Variants in IQCB1 observed in about 807,000 individuals in gnomAD.
The protein encoded by IQCB1 is IQ motif containing B1.
Under a neutral mutation model 84.4 loss-of-function variants are expected in IQCB1, and 56 were observed. The observed-to-expected ratio is 0.66, with a 90% confidence interval of 0.54 to 0.83. The LOEUF (loss-of-function observed/expected upper bound fraction) is 0.83. Ranked by LOEUF, IQCB1 falls within the 40% of genes least tolerant of loss-of-function variation. The probability of loss-of-function intolerance (pLI) is 0.00; values close to 1 mark genes in which losing one functional copy is unlikely to be tolerated. For synonymous variants in IQCB1, 210 were observed against 234.8 expected (o/e 0.89, Z 0.96); for missense variants, 629 against 682.1 (o/e 0.92, Z 0.87).
chr3:121,788,235 C>T (rs1948813930), intron 12 of IQCB1, 49 bp downstream of exon 12: 2 of 1,579,192 alleles, frequency 1.3e-6, no homozygotes. Context: ...GTTTTGAACT[C>T]ATGTTTTTGC....
At chr3:121,778,436 C>T (rs1382873764) in intron 13 of IQCB1, among the ~76,000 whole-genome samples, 3 of 152,012 alleles carry the variant, frequency 2.0e-5, no homozygotes, top group Admixed American at 6.5e-5. Flanking sequence ...AACATTTCTG[C>T]AATGTTAAAT....
At chr3:121,834,893 G>T in intron 1 of IQCB1, 73 bp downstream of exon 1, 1 of 306,724 alleles carries the variant, frequency 3.3e-6, no homozygotes, top group Non-Finnish European at 6.3e-6. Flanking sequence ...TCGTCCAGGA[G>T]CCTGGGGTCC....
chr3:121,818,471 AAAG>A (rs1158014777), intron 5 of IQCB1, among the ~76,000 whole-genome samples: 2 of 152,246 alleles, frequency 1.3e-5, no homozygotes, highest in Non-Finnish European at 2.9e-5. Context: ...AGGGATGCCA[AAAG>A]AAGAGAGAAG....
At chr3:121,815,507 C>T (rs530376832) in intron 5 of IQCB1, among the ~76,000 whole-genome samples, 1 of 152,160 alleles carries the variant, frequency 6.6e-6, no homozygotes, top group African/African-American at 2.4e-5. Flanking sequence ...TTTAGAAAAC[C>T]CCATCGTCTC....
intron 7 of IQCB1, among the ~76,000 whole-genome samples, chr3:121,803,205 C>T (rs1949476926): frequency 6.6e-6 from 1 of 152,112 alleles, no homozygotes; most frequent in African/African-American, 2.4e-5. Context: ...GAGGCACCTG[C>T]CACCATGCCC....
At chr3:121,800,628 C>T (rs1197222758) in intron 7 of IQCB1, among the ~76,000 whole-genome samples, 1 of 151,910 alleles carries the variant, frequency 6.6e-6, no homozygotes, top group African/African-American at 2.4e-5. Context: ...ATATGCTCAT[C>T]TCAGAAAGCC....
intron 7 of IQCB1, among the ~76,000 whole-genome samples, chr3:121,806,445 C>G (rs1382927350): frequency 6.6e-6 from 1 of 152,144 alleles, no homozygotes; most frequent in African/African-American, 2.4e-5. Context: ...CTTTGAGTCT[C>G]AGCCGAGCTT....
intron 12 of IQCB1, among the ~76,000 whole-genome samples, chr3:121,783,299 GA>G (rs1486254880): frequency 2.0e-5 from 3 of 151,512 alleles, no homozygotes; most frequent in Admixed American, 6.6e-5. Context: ...ATTTTTCTGT[GA>G]TTTTTTTTTC....
intron 7 of IQCB1, among the ~76,000 whole-genome samples, chr3:121,805,675 T>C (rs1177189956): frequency 1.3e-5 from 2 of 152,156 alleles, no homozygotes; most frequent in Non-Finnish European, 2.9e-5. Flanking sequence ...GGCTTTCCAG[T>C]TTGGCTGTTG....
intron 2 of IQCB1, among the ~76,000 whole-genome samples, chr3:121,829,905 C>T (rs367888876): frequency 2.3e-4 from 35 of 152,232 alleles, no homozygotes; most frequent in African/African-American, 8.4e-4. Context: ...AAGATTGCTT[C>T]TAAATAGTAT....
intron 13 of IQCB1, among the ~76,000 whole-genome samples, chr3:121,777,056 A>C (rs1200707267): frequency 6.6e-6 from 1 of 152,232 alleles, no homozygotes; most frequent in Non-Finnish European, 1.5e-5. Flanking sequence ...GTATTCAAGA[A>C]AGGTCACAAT....
intron 5 of IQCB1, among the ~76,000 whole-genome samples, chr3:121,823,041 T>C (rs9827690): frequency 6.6e-6 from 1 of 152,076 alleles, no homozygotes; most frequent in South Asian, 2.1e-4. Context: ...ATAAATATGG[T>C]AAACAATCAA....
chr3:121,801,927 T>C (rs1949424276), intron 7 of IQCB1, among the ~76,000 whole-genome samples: 1 of 150,684 alleles, frequency 6.6e-6, no homozygotes, highest in South Asian at 2.1e-4. Context: ...CTTGTTAACA[T>C]AAGTTACAAT....
rs747623180 is a variant in IQCB1, at chr3:121,790,056, T to A, written c.1129+17A>T. The A allele has an allele frequency of 1.1e-5, 18 of 1,606,640 alleles. No homozygotes were observed. Among genetic ancestry groups the A allele is most frequent in the Non-Finnish European group, 1.4e-5 (17 of 1,173,238 alleles). ...CCTAAATATTCTTATATTGATAAAG[T>A]TGATACTGCCACTCACCTGGATGAA... On this transcript the variant is annotated intron_variant, in intron 11 of 14. Coordinates refer to ENST00000310864, the MANE Select transcript of IQCB1 (RefSeq NM_001023570.4).
At chr3:121,781,032 T>C (rs1283430986) in intron 13 of IQCB1, among the ~76,000 whole-genome samples, 1 of 152,150 alleles carries the variant, frequency 6.6e-6, no homozygotes, top group African/African-American at 2.4e-5. Context: ...GCTAACTTTC[T>C]CCATAAAATT....
At chr3:121,782,410 A>C (rs1948538912) in intron 12 of IQCB1, among the ~76,000 whole-genome samples, 1 of 152,162 alleles carries the variant, frequency 6.6e-6, no homozygotes, top group African/African-American at 2.4e-5. Context: ...CGTAGTTTTT[A>C]TTTTCATCAA....
chr3:121,829,616 G>C (rs990583167), intron 2 of IQCB1, among the ~76,000 whole-genome samples: 1 of 152,196 alleles, frequency 6.6e-6, no homozygotes, highest in Non-Finnish European at 1.5e-5. Context: ...GTGTCTAGTT[G>C]AGCTTCCTTG....
intron 5 of IQCB1, among the ~76,000 whole-genome samples, chr3:121,819,447 C>T (rs1052144227): frequency 1.3e-5 from 2 of 152,138 alleles, no homozygotes; most frequent in African/African-American, 4.8e-5. Flanking sequence ...CTCACTTGCC[C>T]GTCACTTACT....
intron 5 of IQCB1, among the ~76,000 whole-genome samples, chr3:121,811,529 G>A (rs185027443): frequency 1.1e-4 from 17 of 152,192 alleles, no homozygotes; most frequent in African/African-American, 3.1e-4. Context: ...TGAAATTCTC[G>A]CTCCCAGCAC....
Sources: gnomAD v4.1 joint callset for allele counts (sites outside exome capture counted in the v4.1 genomes callset) on GRCh38, gnomAD v4.1.1 for gene constraint, MANE v1.5 for transcripts, NCBI Gene and HGNC (gene_info 2026-07-23, HGNC 2026-07-21) for gene names.